UBE2E2: variants seen among roughly 807,000 people sequenced by gnomAD.
UBE2E2 encodes the protein ubiquitin conjugating enzyme E2 E2.
UBE2E2 carries 6 observed loss-of-function variants against 24.7 expected under a neutral mutation model. The observed-to-expected ratio is 0.24, with a 90% confidence interval of 0.13 to 0.48. The LOEUF is 0.48. Among genes scored for constraint, UBE2E2 ranks in the 20% least tolerant of loss-of-function variants. UBE2E2 has a pLI of 0.99. For synonymous variants in UBE2E2, 104 were observed against 83.6 expected, an observed-to-expected ratio of 1.24 and a Z score of -1.33; for missense variants, 169 against 245.0, an observed-to-expected ratio of 0.69 and a Z score of 2.07.
intron 4 of UBE2E2, among the ~76,000 whole-genome samples, chr3:23,499,975 C>G (rs1421823804): frequency 3.3e-5 from 5 of 151,824 alleles, no homozygotes; most frequent in South Asian, 4.2e-4. Flanking sequence ...TCATTATCTC[C>G]TTTCTTTGTT....
intron 3 of UBE2E2, among the ~76,000 whole-genome samples, chr3:23,440,418 CT>C (rs199563569): frequency 0.029 from 4,412 of 152,318 alleles, 109 homozygotes; most frequent in East Asian, 0.13. Flanking sequence ...ATCTTATCTT[CT>C]TTATATAGAT....
chr3:23,279,806 G>A (rs1356130552), intron 3 of UBE2E2, among the ~76,000 whole-genome samples: 1 of 152,172 alleles, frequency 6.6e-6, no homozygotes, highest in Admixed American at 6.5e-5. Context: ...TTAACTGCAG[G>A]AAGAAAACCT....
intron 2 of UBE2E2, among the ~76,000 whole-genome samples, chr3:23,210,046 T>G (rs1696276921): frequency 6.6e-6 from 1 of 152,050 alleles, no homozygotes; most frequent in Admixed American, 6.6e-5. Flanking sequence ...GGCTGACCCT[T>G]CTGTTTGCCA....
At chr3:23,451,889 T>A (rs1698569272) in intron 3 of UBE2E2, among the ~76,000 whole-genome samples, 1 of 152,194 alleles carries the variant, frequency 6.6e-6, no homozygotes, top group Non-Finnish European at 1.5e-5. Context: ...GGGATGGATG[T>A]TGTTGCTTAT....
chr3:23,489,953 C>A (rs1249412185), intron 3 of UBE2E2, among the ~76,000 whole-genome samples: 1 of 152,010 alleles, frequency 6.6e-6, no homozygotes, highest in Non-Finnish European at 1.5e-5. Context: ...AGAATCACTG[C>A]TGAAGTGAGT....
At chr3:23,292,360 G>A (rs1215311001) in intron 3 of UBE2E2, among the ~76,000 whole-genome samples, 1 of 152,000 alleles carries the variant, frequency 6.6e-6, no homozygotes, top group Non-Finnish European at 1.5e-5. Context: ...AGGTATATTC[G>A]TTATGTACCT....
intron 3 of UBE2E2, among the ~76,000 whole-genome samples, chr3:23,304,899 A>C (rs921967435): frequency 6.6e-6 from 1 of 151,466 alleles, no homozygotes; most frequent in East Asian, 1.9e-4. Context: ...TTGCACTTTG[A>C]GTGAATCTTA....
chr3:23,420,244 T>C (rs1035732811), intron 3 of UBE2E2, among the ~76,000 whole-genome samples: 30 of 152,196 alleles, frequency 2.0e-4, no homozygotes, highest in African/African-American at 6.8e-4. Flanking sequence ...GCATTGCATA[T>C]TGTAAGAGCC....
At chr3:23,418,716 A>C (rs1313047918) in intron 3 of UBE2E2, among the ~76,000 whole-genome samples, 2 of 152,196 alleles carry the variant, frequency 1.3e-5, no homozygotes, top group Admixed American at 1.3e-4. Flanking sequence ...CTGTTATGAT[A>C]GATCTGTCAT....
At chr3:23,505,890 G>T (rs1243063720) in intron 4 of UBE2E2, among the ~76,000 whole-genome samples, 1 of 152,128 alleles carries the variant, frequency 6.6e-6, no homozygotes, top group Admixed American at 6.5e-5. Flanking sequence ...ACAGGTCATG[G>T]CTACTCATAA....
intron 3 of UBE2E2, among the ~76,000 whole-genome samples, chr3:23,411,116 AG>A (rs1697486428): frequency 6.6e-6 from 1 of 152,192 alleles, no homozygotes; most frequent in Admixed American, 6.5e-5. Context: ...ACATTAGGAA[AG>A]GGCAAGACAA....
Position 23,365,823 on chromosome 3 carries a change from G to A in UBE2E2, c.228-133785G>A, listed in dbSNP as rs9809246. 1.8e-3 allele frequency among the ~76,000 whole-genome samples: 267 copies of A among 152,194 alleles called. 3 individuals are homozygous for A. The highest frequency in any genetic ancestry group is 6.1e-3 in the African/African-American group (253 of 41,534). On this transcript the variant is annotated intron_variant, in intron 3 of 5. Transcript: ENST00000396703. ...TAGCCAAAGCAGTCCTAAGCAAAAA[G>A]AACAAGGTTGGAGGCATCACATTAC...
intron 4 of UBE2E2, among the ~76,000 whole-genome samples, chr3:23,511,040 G>C (rs1193634905): frequency 6.6e-6 from 1 of 152,174 alleles, no homozygotes; most frequent in Non-Finnish European, 1.5e-5. Flanking sequence ...TCTAGATACT[G>C]AACATAGAGA....
At chr3:23,266,919 T>G (rs1158548937) in intron 3 of UBE2E2, among the ~76,000 whole-genome samples, 1 of 152,086 alleles carries the variant, frequency 6.6e-6, no homozygotes, top group Non-Finnish European at 1.5e-5. Context: ...ACCATGCAAC[T>G]ACATGGAAAC....
Position 23,560,800 on chromosome 3 carries a change from C to T in UBE2E2, c.508+28099C>T, listed in dbSNP as rs866228781. 1.4e-4 allele frequency among the ~76,000 whole-genome samples: 22 copies of T among 152,250 alleles called. 1 individual carries two copies. The highest frequency in any genetic ancestry group is 7.8e-4 in the Admixed American group (12 of 15,296). On this transcript the variant is annotated intron_variant, in intron 5 of 5. Coordinates refer to ENST00000396703, the MANE Select transcript of UBE2E2 (RefSeq NM_152653.4). ...GGTATCTCATTGTGGTTTTGATTTG[C>T]ATTTCTCTGATGGCCAGTGATGATG...
chr3:23,350,011 A>C (rs959429989), intron 3 of UBE2E2, among the ~76,000 whole-genome samples: 3 of 152,180 alleles, frequency 2.0e-5, no homozygotes. Context: ...GACACCTCAC[A>C]CGGCCAGGTA....
rs375056765 is a variant in UBE2E2, at chr3:23,205,080, AGG to A, written c.-9+1618_-9+1619del. ...ATTTCCAGGACTGTAATTACAACATAGGGTACATAGCTAATACAAGCTTAGAC... is the reference window on the plus strand; with the variant it reads ...ATTTCCAGGACTGTAATTACAACATAGTACATAGCTAATACAAGCTTAGAC... On this transcript the variant is annotated intron_variant, in intron 1 of 5. Coordinates refer to ENST00000396703, the MANE Select transcript of UBE2E2 (RefSeq NM_152653.4). Among the ~76,000 whole-genome samples the A allele has an allele frequency of 7.0e-4, 106 of 152,362 alleles. 1 individual carries two copies. Among genetic ancestry groups the A allele is most frequent in the African/African-American group, 2.5e-3 (104 of 41,586 alleles).
chr3:23,577,744 A>G (rs1285768714), intron 5 of UBE2E2, among the ~76,000 whole-genome samples: 2 of 152,222 alleles, frequency 1.3e-5, no homozygotes, highest in Non-Finnish European at 2.9e-5. Flanking sequence ...AATCTAGGAC[A>G]TTTATAGCTG....
At chr3:23,501,912 A>AT (rs1699728968) in intron 4 of UBE2E2, among the ~76,000 whole-genome samples, 1 of 149,894 alleles carries the variant, frequency 6.7e-6, no homozygotes, top group African/African-American at 2.4e-5. Flanking sequence ...CTCTAAGGAG[A>AT]AAAAAAAAAG....
Sources: allele counts gnomAD v4.1 joint callset (sites outside exome capture counted in the v4.1 genomes callset), GRCh38; gene constraint gnomAD v4.1.1; transcripts MANE v1.5; gene names NCBI Gene and HGNC (gene_info 2026-07-23, HGNC 2026-07-21).